PELI2: variants seen among roughly 807,000 people sequenced by gnomAD.
The protein encoded by PELI2 is pellino E3 ubiquitin protein ligase family member 2.
Under a neutral mutation model 42.3 loss-of-function variants are expected in PELI2, and 23 were observed. The observed-to-expected ratio is 0.54, with a 90% CI of 0.39 to 0.77. PELI2 has a LOEUF of 0.77. Among genes scored for constraint, PELI2 ranks in the 30% least tolerant of loss-of-function variants. The pLI is 0.00. For synonymous variants in PELI2, 245 were observed against 212.2 expected (o/e 1.15, Z -1.34); for missense variants, 463 against 553.2 (o/e 0.84, Z 1.64).
chr14:56,199,626 C>T (rs1312230405), intron 2 of PELI2, among the ~76,000 whole-genome samples: 2 of 152,126 alleles, frequency 1.3e-5, no homozygotes, highest in African/African-American at 2.4e-5. Context: ...GTGAAAACCC[C>T]CTGATAATTC....
chr14:56,297,043 C>T lies in PELI2; in HGVS notation c.1140C>T (p.Tyr380=), dbSNP rs150386979. Reference sequence around the variant, plus strand: ...TGTGCTCGGAGAAGTCTGCAAAATACTGGTCTCAGATCCCGTTGCCTCATG... The same window carrying T: ...TGTGCTCGGAGAAGTCTGCAAAATATTGGTCTCAGATCCCGTTGCCTCATG... ...GHVCSEKSAK[Y]WSQIPLPHGT... Residue 380 remains tyrosine (Y), a synonymous_variant, in exon 6 of 6, where the codon TAC becomes TAT. Transcript: ENST00000267460. The T allele has an allele frequency of 6.2e-7, 1 of 1,613,700 alleles. No individual in the cohort carries two copies. Among genetic ancestry groups the T allele is most frequent in the Non-Finnish European group, 8.5e-7 (1 of 1,179,984 alleles).
At chr14:56,132,159 A>G (rs1415633720) in intron 1 of PELI2, among the ~76,000 whole-genome samples, 1 of 152,170 alleles carries the variant, frequency 6.6e-6, no homozygotes, top group African/African-American at 2.4e-5. Flanking sequence ...CCATTGAACA[A>G]ATGAGGAAAT....
intron 1 of PELI2, among the ~76,000 whole-genome samples, chr14:56,160,760 A>C (rs1048721879): frequency 3.3e-5 from 5 of 152,182 alleles, no homozygotes; most frequent in African/African-American, 1.2e-4. Flanking sequence ...ATTGATACTG[A>C]ATTGAAATGT....
chr14:56,205,029 CA>C (rs35776509), intron 2 of PELI2, among the ~76,000 whole-genome samples: 195 of 91,174 alleles, frequency 2.1e-3, no homozygotes, highest in Middle Eastern at 6.3e-3. Flanking sequence ...GACTCCCTGT[CA>C]AAAAAAAAAA....
chr14:56,295,274 A>C (rs1008323027), intron 5 of PELI2, among the ~76,000 whole-genome samples: 1 of 152,060 alleles, frequency 6.6e-6, no homozygotes, highest in Admixed American at 6.5e-5. Flanking sequence ...GTTCTTTTAT[A>C]GTTACCTAAA....
At chr14:56,223,355 T>C (rs1195367335) in intron 2 of PELI2, among the ~76,000 whole-genome samples, 1 of 152,158 alleles carries the variant, frequency 6.6e-6, no homozygotes, top group Admixed American at 6.5e-5. Flanking sequence ...GGGGATGGTG[T>C]GAAATACTTT....
At chr14:56,172,713 A>G (rs538152922) in intron 1 of PELI2, among the ~76,000 whole-genome samples, 1 of 152,330 alleles carries the variant, frequency 6.6e-6, no homozygotes, top group Non-Finnish European at 1.5e-5. Context: ...GTGAGGAGAC[A>G]ATGGAAATCA....
At chr14:56,131,447 A>T (rs1467282901) in intron 1 of PELI2, among the ~76,000 whole-genome samples, 1 of 152,252 alleles carries the variant, frequency 6.6e-6, no homozygotes, top group African/African-American at 2.4e-5. Context: ...AAAATACCAA[A>T]GGACAAATAC....
intron 2 of PELI2, among the ~76,000 whole-genome samples, chr14:56,271,024 T>G (rs1889086317): frequency 6.6e-6 from 1 of 152,220 alleles, no homozygotes; most frequent in Admixed American, 6.5e-5. Context: ...GTTTAAGCAT[T>G]TGCTGGATTA....
At chr14:56,193,137 G>A (rs1886011225) in intron 2 of PELI2, among the ~76,000 whole-genome samples, 2 of 152,138 alleles carry the variant, frequency 1.3e-5, no homozygotes, top group Admixed American at 6.5e-5. Flanking sequence ...TTTCAATATG[G>A]GGTTAATCCA....
chr14:56,119,584 A>G (rs1882988460), intron 1 of PELI2: 1 of 163,020 alleles, frequency 6.1e-6, no homozygotes, highest in Non-Finnish European at 1.3e-5. Context: ...AAACGGCAGC[A>G]ATTAGAGACT....
At chr14:56,178,314 C>T in intron 1 of PELI2, 21 bp from the exon 2 acceptor site, 1 of 1,612,792 alleles carries the variant, frequency 6.2e-7, no homozygotes, top group Non-Finnish European at 8.5e-7. Flanking sequence ...GATAGATGAA[C>T]TCTTTCCTCT....
chr14:56,179,498 T>G (rs1353933725), intron 2 of PELI2, among the ~76,000 whole-genome samples: 1 of 152,194 alleles, frequency 6.6e-6, no homozygotes, highest in Non-Finnish European at 1.5e-5. Flanking sequence ...GAAGCGATCT[T>G]GTATTAATGA....
chr14:56,200,327 A>C (rs7141484), intron 2 of PELI2, among the ~76,000 whole-genome samples: 23,907 of 70,978 alleles, frequency 0.34, 3,929 homozygotes, highest in African/African-American at 0.52. Context: ...ACTTTCCCTC[A>C]CAACAGTTTC....
chr14:56,145,059 C>A, intron 1 of PELI2: 1 of 560,644 alleles, frequency 1.8e-6, no homozygotes, highest in Non-Finnish European at 2.3e-6. Flanking sequence ...CTTCCTGAGA[C>A]TAGGTTCTTT....
intron 3 of PELI2, among the ~76,000 whole-genome samples, chr14:56,281,002 T>C (rs971227550): frequency 6.6e-6 from 1 of 152,266 alleles, no homozygotes; most frequent in East Asian, 1.9e-4. Flanking sequence ...CTTTATTACC[T>C]ATTAATTGGA....
chr14:56,239,509 AT>A (rs1399259676), intron 2 of PELI2, among the ~76,000 whole-genome samples: 1 of 152,164 alleles, frequency 6.6e-6, no homozygotes, highest in Non-Finnish European at 1.5e-5. Context: ...CTAGACCTTT[AT>A]TTTTAAACCT....
rs1382295784 is a variant in PELI2 at position 56,219,457 on chromosome 14, A to G, written c.207+40993A>G. Reference sequence around the variant, plus strand: ...AACATCCTTTCCTCTCGCAGTAACTACAGCATGATTTGTTTTACCCCTCAG... The same window carrying G: ...AACATCCTTTCCTCTCGCAGTAACTGCAGCATGATTTGTTTTACCCCTCAG... On this transcript the variant is annotated intron_variant, in intron 2 of 5. Transcript: ENST00000267460. This position sits in a 1 kb window ranked among gnomAD's most constrained non-coding sequence, Gnocchi z 4.1. Among the ~76,000 whole-genome samples the G allele has an allele frequency of 6.6e-6, 1 of 152,170 alleles. No homozygotes were observed. The highest frequency in any genetic ancestry group is 2.4e-5 in the African/African-American group (1 of 41,436).
chr14:56,186,111 T>C (rs1885760143), intron 2 of PELI2, among the ~76,000 whole-genome samples: 1 of 152,122 alleles, frequency 6.6e-6, no homozygotes, highest in Non-Finnish European at 1.5e-5. Context: ...TGGAGAAGAC[T>C]CATGAGATGT....
Sources: allele counts gnomAD v4.1 joint callset (sites outside exome capture counted in the v4.1 genomes callset), GRCh38; gene constraint gnomAD v4.1.1; non-coding constraint Gnocchi (gnomAD v3.1); transcripts MANE v1.5; gene names NCBI Gene and HGNC (gene_info 2026-07-23, HGNC 2026-07-21).